Variants in MYO1B observed in about 807,000 individuals in gnomAD.
MYO1B encodes myosin IB.
MYO1B carries 72 observed loss-of-function variants against 159.7 expected under a neutral mutation model. The ratio of observed to expected loss-of-function variants is 0.45; its 90% CI spans 0.37 to 0.55. MYO1B has a LOEUF of 0.55. MYO1B is among the 20% of genes least tolerant of loss of function. MYO1B has a pLI of 0.00. For missense variants in MYO1B, 1,062 were observed against 1,364.8 expected (o/e 0.78, Z 3.50); for synonymous variants, 468 against 473.8 (o/e 0.99, Z 0.16).
Position 191,409,910 on chromosome 2 carries a change from T to C in MYO1B, c.2766+732T>C, listed in dbSNP as rs112629022. 4.2e-3 allele frequency among the ~76,000 whole-genome samples: 635 copies of C among 152,332 alleles called. 4 individuals carry two copies. The highest frequency in any genetic ancestry group is 0.015 in the African/African-American group (610 of 41,576). Reference sequence around the variant, plus strand: ...AATAAAATCATGAGATGGAAGGGCATGTATTTAGTAAATGAATGCTCAGTA... The same window carrying C: ...AATAAAATCATGAGATGGAAGGGCACGTATTTAGTAAATGAATGCTCAGTA... On this transcript the variant is annotated intron_variant, in intron 26 of 30. Transcript: ENST00000392318.
chr2:191,285,563 T>C (rs1429673725), intron 2 of MYO1B, among the ~76,000 whole-genome samples: 1 of 152,176 alleles, frequency 6.6e-6, no homozygotes. Context: ...CCTCAAACTT[T>C]GAATTGAGAA....
chr2:191,327,357 G>A (rs1334977941), intron 3 of MYO1B, among the ~76,000 whole-genome samples: 1 of 152,166 alleles, frequency 6.6e-6, no homozygotes, highest in Non-Finnish European at 1.5e-5. Context: ...GAATAAGAAG[G>A]TGTGTACATA....
At chr2:191,292,700 A>G (rs1231254846) in intron 2 of MYO1B, among the ~76,000 whole-genome samples, 2 of 147,990 alleles carry the variant, frequency 1.4e-5, no homozygotes, top group Non-Finnish European at 1.5e-5. Flanking sequence ...TTCAGGTTAA[A>G]TTTTAGAGTA....
At chr2:191,396,897 C>T (rs1559232239) in intron 21 of MYO1B, among the ~76,000 whole-genome samples, 1 of 152,096 alleles carries the variant, frequency 6.6e-6, no homozygotes, top group Non-Finnish European at 1.5e-5. Context: ...CTACCCATCA[C>T]GATTGAAAGA....
chr2:191,247,835 C>T lies in MYO1B; in HGVS notation c.-10+2209C>T, dbSNP rs539262023. On this transcript the variant is annotated intron_variant, in intron 1 of 30. Coordinates refer to ENST00000392318, the MANE Select transcript of MYO1B (RefSeq NM_001130158.3). ...TGGTCTCTGGTCTCTGGCCTCTGGC[C>T]GTTCTGGTGGATGCCTGATTGTGTG... The T allele has an allele frequency of 1.6e-4, 114 of 715,610 alleles. No homozygotes were observed. The South Asian group carries it at 5.1e-3, about 32-fold the overall frequency. 44.3% of individuals were successfully genotyped at this position (715,610 alleles called of 1,614,324 possible).
chr2:191,292,824 T>C (rs1688763536), intron 2 of MYO1B, among the ~76,000 whole-genome samples: 1 of 151,782 alleles, frequency 6.6e-6, no homozygotes, highest in South Asian at 2.1e-4. Flanking sequence ...TCTCAGAAAT[T>C]AAAGGCTTAC....
chr2:191,308,047 G>A (rs1432765026), intron 3 of MYO1B, among the ~76,000 whole-genome samples: 2 of 152,068 alleles, frequency 1.3e-5, no homozygotes, highest in Non-Finnish European at 2.9e-5. Context: ...GAGGTGGGGA[G>A]GTGGGGTTGA....
chr2:191,273,013 C>A (rs13391012), intron 1 of MYO1B, among the ~76,000 whole-genome samples: 3,037 of 152,328 alleles, frequency 0.02, 91 homozygotes, highest in African/African-American at 0.068. Flanking sequence ...AATTGGCTTA[C>A]ATCACTGAAA....
chr2:191,302,012 C>T lies in MYO1B; in HGVS notation c.251+5786C>T, dbSNP rs540510511. ...TGTCCTCCCTGCTCTCCTCCAAACC[C>T]CACTACTCTCCTTTGTGGAATCTCC... is the stretch of plus-strand genomic sequence containing the variant. On this transcript the variant is annotated intron_variant, in intron 3 of 30. Transcript: ENST00000392318. Among the ~76,000 whole-genome samples the T allele has an allele frequency of 2.0e-5, 3 of 152,336 alleles. No homozygotes were observed. In the South Asian group the frequency reaches 6.2e-4, roughly 32 times the overall value.
intron 1 of MYO1B, among the ~76,000 whole-genome samples, chr2:191,262,462 G>A (rs1325075980): frequency 6.6e-6 from 1 of 152,082 alleles, no homozygotes; most frequent in Admixed American, 6.6e-5. Context: ...TCATTTTGGT[G>A]GCTCCCTGTC....
At chr2:191,358,052 G>C (rs1337499311) in intron 7 of MYO1B, among the ~76,000 whole-genome samples, 2 of 152,062 alleles carry the variant, frequency 1.3e-5, no homozygotes, top group East Asian at 3.8e-4. Flanking sequence ...TTGCTTAGGC[G>C]AATTCATGTA....
intron 3 of MYO1B, among the ~76,000 whole-genome samples, chr2:191,319,503 A>G (rs373331582): frequency 6.6e-6 from 1 of 152,158 alleles, no homozygotes; most frequent in Non-Finnish European, 1.5e-5. Context: ...CTAAGTCATG[A>G]TGGAACTTAC....
intron 4 of MYO1B, among the ~76,000 whole-genome samples, chr2:191,334,207 T>A (rs1691678655): frequency 6.6e-6 from 1 of 152,122 alleles, no homozygotes; most frequent in Non-Finnish European, 1.5e-5. Context: ...TGATGGGTCT[T>A]GGCCAGTTCT....
At chr2:191,326,446 A>G (rs1378901059) in intron 3 of MYO1B, among the ~76,000 whole-genome samples, 2 of 152,132 alleles carry the variant, frequency 1.3e-5, no homozygotes, top group Non-Finnish European at 2.9e-5. Context: ...GTCTGATGAC[A>G]TTTATACTGT....
intron 4 of MYO1B, among the ~76,000 whole-genome samples, chr2:191,336,563 C>T (rs966265093): frequency 6.6e-6 from 1 of 152,164 alleles, no homozygotes; most frequent in African/African-American, 2.4e-5. Context: ...AAAAACATCA[C>T]CAGTTGTGAC....
At chr2:191,352,371 A>G (rs1454034674) in intron 7 of MYO1B, among the ~76,000 whole-genome samples, 1 of 152,238 alleles carries the variant, frequency 6.6e-6, no homozygotes, top group Non-Finnish European at 1.5e-5. Context: ...TACTATTTCC[A>G]TTACAGAACT....
intron 3 of MYO1B, among the ~76,000 whole-genome samples, chr2:191,324,750 A>C (rs1690945451): frequency 1.3e-5 from 2 of 152,164 alleles, no homozygotes; most frequent in African/African-American, 4.8e-5. Flanking sequence ...CTGGCATAGG[A>C]CAAGACTGCA....
Position 191,399,840 on chromosome 2 carries a change from A to G in MYO1B, c.2296-542A>G, listed in dbSNP as rs116138258. Among the ~76,000 whole-genome samples the G allele has an allele frequency of 5.2e-3, 790 of 152,230 alleles. 4 individuals carry two copies. Among genetic ancestry groups the G allele is most frequent in the Non-Finnish European group, 9.6e-3 (653 of 68,012 alleles). The stretch of plus-strand genomic sequence containing the variant: ...TTGGGGCCCCGTTTATAGGCGAGAG[A>G]CCTTAGAGGAAGGACCCAAAGTCCA... On this transcript the variant is annotated intron_variant, in intron 21 of 30. Transcript: ENST00000392318.
intron 3 of MYO1B, among the ~76,000 whole-genome samples, chr2:191,322,180 C>A (rs1690764335): frequency 6.6e-6 from 1 of 152,138 alleles, no homozygotes; most frequent in Admixed American, 6.5e-5. Context: ...GGTTTCATGC[C>A]TAGGGCATTT....
Sources: allele counts gnomAD v4.1 joint callset (sites outside exome capture counted in the v4.1 genomes callset), GRCh38; gene constraint gnomAD v4.1.1; transcripts MANE v1.5; gene names NCBI Gene and HGNC (gene_info 2026-07-23, HGNC 2026-07-21).